Variants in PTPN7 observed in about 807,000 individuals in gnomAD.
PTPN7 encodes the protein protein tyrosine phosphatase non-receptor type 7, also known as tyrosine-protein phosphatase non-receptor type 7.
PTPN7 carries 33 observed loss-of-function variants against 50.3 expected under a neutral mutation model. That is an observed-to-expected ratio of 0.66 (90% CI 0.50 to 0.88). The LOEUF (loss-of-function observed/expected upper bound fraction) is 0.88, where lower values mean the gene tolerates loss of function less well. PTPN7 is among the 40% of genes least tolerant of loss of function. The probability of loss-of-function intolerance (pLI) is 0.00; values close to 1 mark genes in which losing one functional copy is unlikely to be tolerated. For missense variants in PTPN7, 412 were observed against 475.4 expected, an observed-to-expected ratio of 0.87 and a Z score of 1.24; for synonymous variants, 185 against 186.6, an observed-to-expected ratio of 0.99 and a Z score of 0.07.
intron 8 of PTPN7, among the ~76,000 whole-genome samples, chr1:202,152,116 G>A (rs1432828879): frequency 6.6e-6 from 1 of 152,160 alleles, no homozygotes; most frequent in Non-Finnish European, 1.5e-5. Context: ...TCACCATGTT[G>A]GCCAGGCTGG....
Position 202,160,064 on chromosome 1 carries a change from CG to C in PTPN7, c.-53+480del, listed in dbSNP as rs1657187655. 1.2e-6 allele frequency: 1 copy of C among 852,222 alleles called. No individual in the cohort carries two copies. The highest frequency in any genetic ancestry group is 1.4e-6 in the Non-Finnish European group (1 of 704,928). 52.8% of individuals were successfully genotyped at this position (852,222 alleles called of 1,614,324 possible). On this transcript the variant is annotated intron_variant, in intron 1 of 9. Transcript: ENST00000691036. The surrounding 1 kb of genome is among the most constrained non-coding windows in gnomAD (Gnocchi z 4.8). ...TCCTCCTGCCCATCCCCCCGTCTCC[CG>C]CCTCTGTAACCGTCACAGGAAATGG...
At chr1:202,153,639 G>T in intron 7 of PTPN7, 86 bp downstream of exon 7, 1 of 1,078,282 alleles carries the variant, frequency 9.3e-7, no homozygotes, top group Non-Finnish European at 1.4e-6. Context: ...GCAAACCCTT[G>T]GCTCCTAGTG....
In PTPN7 at chr1:202,159,474, G is replaced by A. The variant is rs927592951; in HGVS notation, c.-52-20C>T. 2.5e-5 allele frequency: 40 copies of A among 1,606,034 alleles called. No homozygotes were observed. Among genetic ancestry groups the A allele is most frequent in the East Asian group, 1.3e-4 (6 of 44,600 alleles). ...GTCTGCCTGAAAGACAGGGCCCTCC[G>A]CTGCTGTTCTCTGGCCTGCCTGATT... On this transcript the variant is annotated intron_variant, in intron 1 of 9. Transcript: ENST00000691036. This position sits in a 1 kb window ranked among gnomAD's most constrained non-coding sequence, Gnocchi z 4.6.
At chr1:202,152,766 T>A (rs772002973) in intron 7 of PTPN7, 67 bp from the exon 8 acceptor site, 9 of 1,553,416 alleles carry the variant, frequency 5.8e-6, no homozygotes, top group Non-Finnish European at 7.9e-6. Flanking sequence ...TCTTCTCTGG[T>A]GCCTGAGGAG....
Position 202,148,847 on chromosome 1 carries a change from C to CTCTTT in PTPN7, c.990-149_990-148insAAAGA, listed in dbSNP as rs1553317965. ...TCCTTTGCCTATATTCATCTTTTCA[C>CTCTTT]TTTTTTTTTTTTTTTTTTTTTTTTG... On this transcript the variant is annotated intron_variant, in intron 9 of 9. Coordinates refer to ENST00000691036, the MANE Select transcript of PTPN7 (RefSeq NM_002832.4). 3.6e-5 allele frequency: 5 copies of CTCTTT among 137,518 alleles called. No individual in the cohort carries two copies. The South Asian group carries it at 4.8e-4, about 13-fold the overall frequency. The allele number at this position is 137,518 out of a possible 1,614,324, so 8.5% of individuals were successfully genotyped here. A position where few individuals can be genotyped will look rare whatever the true frequency, so the allele number is the denominator to read the frequency against.
Position 202,159,194 on chromosome 1 carries a change from TCAGAGCTGGAGGGG to T in PTPN7, c.122+73_122+86del. ...ACTGAGGGCCCTCTGGACCCTGCTG[TCAGAGCTGGAGGGG>T]CAGATGGAAGGAAGGGAGGAGCGGA... On this transcript the variant is annotated intron_variant, in intron 2 of 9. Coordinates refer to ENST00000691036, the MANE Select transcript of PTPN7 (RefSeq NM_002832.4). The surrounding 1 kb of genome is among the most constrained non-coding windows in gnomAD (Gnocchi z 4.6). 1.5e-6 allele frequency: 2 copies of T among 1,368,040 alleles called. No homozygotes were observed. The highest frequency in any genetic ancestry group is 2.5e-5 in the South Asian group (2 of 79,680). 84.7% of individuals were successfully genotyped at this position (1,368,040 alleles called of 1,614,324 possible). A position where few individuals can be genotyped will look rare whatever the true frequency, so the allele number is the denominator to read the frequency against.
intron 9 of PTPN7, among the ~76,000 whole-genome samples, chr1:202,149,593 G>A (rs1655696402): frequency 6.6e-6 from 1 of 151,746 alleles, no homozygotes; most frequent in Non-Finnish European, 1.5e-5. Flanking sequence ...AGGAGTTCGA[G>A]ACTAGTCTGG....
intron 5 of PTPN7, among the ~76,000 whole-genome samples, chr1:202,155,245 T>C (rs1271861709): frequency 6.6e-6 from 1 of 152,196 alleles, no homozygotes. Flanking sequence ...GGTTCAACAA[T>C]GCTAACTTCC....
rs1054967300 is a variant in PTPN7, at chr1:202,160,056, C to T, written c.-53+489G>A. 7 of 873,594 alleles carry T rather than the reference C, an allele frequency of 8.0e-6. No homozygotes were observed. Among genetic ancestry groups the T allele is most frequent in the Non-Finnish European group, 6.9e-6 (5 of 724,436 alleles). 54.1% of individuals were successfully genotyped at this position (873,594 alleles called of 1,614,324 possible). A position where few individuals can be genotyped will look rare whatever the true frequency, so the allele number is the denominator to read the frequency against. ...TTCCTTCCTCCTCCTGCCCATCCCC[C>T]CGTCTCCCGCCTCTGTAACCGTCAC... On this transcript the variant is annotated intron_variant, in intron 1 of 9. Transcript: ENST00000691036. The surrounding 1 kb of genome is among the most constrained non-coding windows in gnomAD (Gnocchi z 4.8).
chr1:202,148,654 G>A lies in PTPN7; in HGVS notation c.1035C>T (p.His345=), dbSNP rs1340176224. 2 of 1,613,978 alleles carry A rather than the reference G, an allele frequency of 1.2e-6. No homozygotes were observed. The highest frequency in any genetic ancestry group is 1.7e-6 in the Non-Finnish European group (2 of 1,179,906). The change falls in exon 10 of 10, where the codon CAC becomes CAT. Residue 345 remains histidine, a synonymous_variant. Coordinates refer to ENST00000691036, the MANE Select transcript of PTPN7 (RefSeq NM_002832.4). ...GCTGGCCTGCATACAGGGCCAAAGT[G>A]TGGTGCAGGAACTGGTACTGCTCTG... The part of the protein sequence containing the change: ...QTAEQYQFLH[H]TLALYAGQLP...
chr1:202,153,756 G>T lies in PTPN7; in HGVS notation c.686C>A (p.Pro229Gln), dbSNP rs1441662530. ...QIRIQDMKEC[P>Q]EYTVRQLTIQ... ...GGTGAGCTGCCGCACAGTGTATTCT[G>T]GGCACTCTTTCATGTCCTGGATGCG... The change falls in exon 7 of 10, where the codon CCA (proline) becomes CAA (glutamine). Residue 229 changes from proline (P) to glutamine (Q), a missense_variant. Physicochemically the swap from Pro to Gln is moderately conservative, Grantham distance 76. Transcript: ENST00000691036. 6.2e-7 allele frequency: 1 copy of T among 1,614,054 alleles called. No individual in the cohort carries two copies. The highest frequency in any genetic ancestry group is 1.7e-5 in the Admixed American group (1 of 60,018).
chr1:202,151,470 T>C (rs1486137572), intron 8 of PTPN7, among the ~76,000 whole-genome samples: 1 of 152,224 alleles, frequency 6.6e-6, no homozygotes, highest in Non-Finnish European at 1.5e-5. Flanking sequence ...GAGACTTGGT[T>C]CTATGGTCCC....
At position 202,148,196 on chromosome 1, in the gene PTPN7, C is replaced by A. The variant is rs1655536319; in HGVS notation, c.*410G>T. 1 of 156,262 alleles carries A rather than the reference C, an allele frequency of 6.4e-6. No homozygotes were observed. The highest frequency in any genetic ancestry group is 2.4e-5 in the African/African-American group (1 of 41,646). 9.7% of individuals were successfully genotyped at this position (156,262 alleles called of 1,614,324 possible). Reference sequence around the variant, plus strand: ...TGGCTGGAGTGGCTTCTAGAAACTTCTCTCATTACTTTTCCCTCATGGCAG... The same window carrying A: ...TGGCTGGAGTGGCTTCTAGAAACTTATCTCATTACTTTTCCCTCATGGCAG... On this transcript the variant is annotated 3_prime_UTR_variant, in exon 10 of 10. Transcript: ENST00000691036.
chr1:202,157,065 C>G (rs892907163), intron 4 of PTPN7, among the ~76,000 whole-genome samples: 39 of 152,148 alleles, frequency 2.6e-4, no homozygotes, highest in African/African-American at 9.2e-4. Flanking sequence ...ATTTCCCATG[C>G]AAGAGGAAGA....
chr1:202,159,908 T>C lies in PTPN7; in HGVS notation c.-52-454A>G, dbSNP rs925044103. The C allele has an allele frequency of 2.0e-6, 2 of 1,012,344 alleles. No individual in the cohort carries two copies. Among genetic ancestry groups the C allele is most frequent in the Admixed American group, 1.1e-4 (2 of 18,364 alleles). The allele number at this position is 1,012,344 out of a possible 1,614,324, so 62.7% of individuals were successfully genotyped here. A position where few individuals can be genotyped will look rare whatever the true frequency, so the allele number is the denominator to read the frequency against. ...AGGCCTCCAGCAGTGTTGGAGCTGG[T>C]TGGGCAGCCAGGCAGGCGGGCTCCT... is the stretch of plus-strand genomic sequence containing the variant. On this transcript the variant is annotated intron_variant, in intron 1 of 9. Transcript: ENST00000691036. This position sits in a 1 kb window ranked among gnomAD's most constrained non-coding sequence, Gnocchi z 4.6.
At chr1:202,153,978 G>GCAGGTATCAAGCTC in intron 6 of PTPN7, 143 bp from the exon 7 acceptor site, 2 of 984,886 alleles carry the variant, frequency 2.0e-6, no homozygotes, top group Non-Finnish European at 3.1e-6. Context: ...TTCTGAGCTT[G>GCAGGTATCAAGCTC]ATACCTGCAA....
Position 202,157,758 on chromosome 1 carries a change from T to G in PTPN7, c.372A>C (p.Arg124=). ...TCTTACTTGGCAAGATGGTCTTGTA[T>G]CGGTCCTTGGAGGCGTGGCCAGGGA... ...LDIPGHASKD[R]YKTILPNPQS... Residue 124 remains arginine, a synonymous_variant, in exon 4 of 10, where the codon CGA becomes CGC. Transcript: ENST00000691036. The G allele has an allele frequency of 6.2e-7, 1 of 1,613,980 alleles. No individual in the cohort carries two copies. Among genetic ancestry groups the G allele is most frequent in the Non-Finnish European group, 8.5e-7 (1 of 1,179,850 alleles).
chr1:202,148,602 G>A lies in PTPN7; in HGVS notation c.*4C>T, dbSNP rs1005049008. 1 of 1,613,444 alleles carries A rather than the reference G, an allele frequency of 6.2e-7. No individual in the cohort carries two copies. On this transcript the variant is annotated 3_prime_UTR_variant, in exon 10 of 10. Transcript: ENST00000691036. ...GCACCTGGGCCACCGGAGGGTGGCA[G>A]GGGTCAGGGGCTGGGTTCCTCAGGC...
At position 202,160,162 on chromosome 1, in the gene PTPN7, G is replaced by A. The variant is rs951711231; in HGVS notation, c.-53+383C>T. Among the ~76,000 whole-genome samples the A allele has an allele frequency of 6.6e-6, 1 of 152,124 alleles. No individual in the cohort carries two copies. The highest frequency in any genetic ancestry group is 1.5e-5 in the Non-Finnish European group (1 of 68,008). The stretch of plus-strand genomic sequence containing the variant: ...GGGCAAGACAGGAGGCATGGAGGTG[G>A]TGGGACCATCTCCTCTTGGGGGCAG... On this transcript the variant is annotated intron_variant, in intron 1 of 9. Coordinates refer to ENST00000691036, the MANE Select transcript of PTPN7 (RefSeq NM_002832.4). This position sits in a 1 kb window ranked among gnomAD's most constrained non-coding sequence, Gnocchi z 4.8.
Sources: gnomAD v4.1 joint callset for allele counts (sites outside exome capture counted in the v4.1 genomes callset) on GRCh38, gnomAD v4.1.1 for gene constraint, Gnocchi (gnomAD v3.1) non-coding constraint, MANE v1.5 for transcripts, NCBI Gene and HGNC (gene_info 2026-07-23, HGNC 2026-07-21) for gene names.